The following RIMBP2 variants were observed in gnomAD, a reference collection of about 807,000 sequenced individuals.
RIMBP2 encodes the protein RIMS binding protein 2.
RIMBP2 carries 48 observed loss-of-function variants against 118.6 expected under a neutral mutation model. The observed-to-expected ratio is 0.40, with a 90% CI of 0.32 to 0.51. The LOEUF (loss-of-function observed/expected upper bound fraction) is 0.51. Among genes scored for constraint, RIMBP2 ranks in the 20% least tolerant of loss-of-function variants. RIMBP2 has a pLI of 0.41. For missense variants in RIMBP2, 1,551 were observed against 1,768.3 expected (o/e 0.88, Z 2.20); for synonymous variants, 762 against 742.9 (o/e 1.03, Z -0.42).
intron 4 of RIMBP2, 142 bp from the exon 5 acceptor site, chr12:130,479,158 G>A (rs531330360): frequency 2.1e-5 from 12 of 562,482 alleles, no homozygotes; most frequent in Middle Eastern, 3.8e-4. Flanking sequence ...ACCCACCTCC[G>A]TGCTGCCAAC....
intron 14 of RIMBP2, chr12:130,430,591 G>A (rs1161639361): frequency 2.0e-5 from 3 of 150,546 alleles, no homozygotes; most frequent in African/African-American, 7.4e-5. Context: ...CATGGGCAAT[G>A]ACGGATGTAC....
chr12:130,673,019 A>G (rs12308700), intron 1 of RIMBP2, among the ~76,000 whole-genome samples: 87,904 of 151,298 alleles, frequency 0.58, 25,728 homozygotes, highest in East Asian at 0.72. Flanking sequence ...AGGAAGACCC[A>G]GAGAAAGAAC....
In RIMBP2 at chr12:130,683,556, T is replaced by C. The variant is rs965459099; in HGVS notation, c.-352+32666A>G. Among the ~76,000 whole-genome samples, 31 of 152,324 alleles carry C rather than the reference T, an allele frequency of 2.0e-4. No homozygotes were observed. The highest frequency in any genetic ancestry group is 7.2e-4 in the African/African-American group (30 of 41,574). On this transcript the variant is annotated intron_variant, in intron 1 of 22. Transcript: ENST00000690449. The surrounding 1 kb of genome is among the most constrained non-coding windows in gnomAD (Gnocchi z 4.4). ...AGACCTACTGGGCTGCATTCCCAGA[T>C]GGTGAAGGCATTCTAAGTCACTGGA... is the stretch of plus-strand genomic sequence containing the variant.
intron 2 of RIMBP2, among the ~76,000 whole-genome samples, chr12:130,627,564 A>G (rs182365386): frequency 4.9e-4 from 75 of 152,272 alleles, no homozygotes; most frequent in African/African-American, 1.8e-3. Context: ...GGGTAACTCA[A>G]ACTCAAAACT....
At chr12:130,639,222 C>G (rs71468442) in intron 1 of RIMBP2, among the ~76,000 whole-genome samples, 2 of 151,710 alleles carry the variant, frequency 1.3e-5, no homozygotes, top group East Asian at 3.9e-4. Flanking sequence ...ACCCCCATCT[C>G]TACTAAAAAT....
rs1052860761 is a variant in RIMBP2 at position 130,670,259 on chromosome 12, C to A, written c.-351-41803G>T. ...ATGATCCCGGCCCCAGGACCTCAGA[C>A]TTCCGATCTCCAGAACTGAAGTTTT... is the stretch of plus-strand genomic sequence containing the variant. On this transcript the variant is annotated intron_variant, in intron 1 of 22. Coordinates refer to ENST00000690449, the MANE Select transcript of RIMBP2 (RefSeq NM_001393629.1). This position sits in a 1 kb window ranked among gnomAD's most constrained non-coding sequence, Gnocchi z 4.9. 6.6e-6 allele frequency among the ~76,000 whole-genome samples: 1 copy of A among 152,168 alleles called. No individual in the cohort carries two copies. Among genetic ancestry groups the A allele is most frequent in the Non-Finnish European group, 1.5e-5 (1 of 68,038 alleles).
At chr12:130,466,923 C>T (rs2080531068) in intron 6 of RIMBP2, among the ~76,000 whole-genome samples, 1 of 152,242 alleles carries the variant, frequency 6.6e-6, no homozygotes, top group African/African-American at 2.4e-5. Flanking sequence ...CTCCCTCTCA[C>T]ATGGAAATTG....
At chr12:130,555,767 G>C (rs2056287888) in intron 2 of RIMBP2, among the ~76,000 whole-genome samples, 1 of 152,226 alleles carries the variant, frequency 6.6e-6, no homozygotes, top group South Asian at 2.1e-4. Context: ...GAAACTGCTA[G>C]TGCAAAAGCC....
intron 2 of RIMBP2, among the ~76,000 whole-genome samples, chr12:130,591,853 AG>A (rs1340711661): frequency 2.0e-5 from 3 of 152,222 alleles, no homozygotes; most frequent in African/African-American, 7.2e-5. Flanking sequence ...AACCCCAGAT[AG>A]AGACACTAAA....
In RIMBP2 at chr12:130,497,048, T is replaced by A. The variant is rs568184425; in HGVS notation, c.-4+9600A>T. Among the ~76,000 whole-genome samples the A allele has an allele frequency of 3.3e-5, 5 of 152,212 alleles. No homozygotes were observed. The East Asian group carries it at 9.7e-4, about 30-fold the overall frequency. ...CCCATCTTGCCAGGCTCCTGGGCGC[T>A]CCATGGCTCTGATCTCTGCCTCCAT... On this transcript the variant is annotated intron_variant, in intron 4 of 22. Transcript: ENST00000690449.
chr12:130,448,214 G>A (rs2078700011), intron 9 of RIMBP2, among the ~76,000 whole-genome samples: 1 of 152,174 alleles, frequency 6.6e-6, no homozygotes, highest in Admixed American at 6.5e-5. Flanking sequence ...TGTGACTGGT[G>A]ATGGCCACGG....
chr12:130,568,522 C>T (rs1268048433), intron 2 of RIMBP2, among the ~76,000 whole-genome samples: 1 of 152,202 alleles, frequency 6.6e-6, no homozygotes, highest in South Asian at 2.1e-4. Flanking sequence ...CTTCTAATTT[C>T]GGGTTGACAA....
rs74442569 is a variant in RIMBP2 at position 130,543,052 on chromosome 12, G to A, written c.-216-25135C>T. 4.6e-4 allele frequency among the ~76,000 whole-genome samples: 70 copies of A among 152,276 alleles called. No homozygotes were observed. The East Asian group carries it at 0.014, about 29-fold the overall frequency. On this transcript the variant is annotated intron_variant, in intron 2 of 22. Transcript: ENST00000690449. ...TTCCCGTCTCTCAGGGTTGGATGATGAACTGAGAAGGTATGTGCTTGTAGT... is the reference window on the plus strand; with the variant it reads ...TTCCCGTCTCTCAGGGTTGGATGATAAACTGAGAAGGTATGTGCTTGTAGT...
At position 130,470,731 on chromosome 12, in the gene RIMBP2, C is replaced by A. The variant is rs2080932161; in HGVS notation, c.115G>T (p.Ala39Ser). The A allele has an allele frequency of 8.1e-7, 1 of 1,231,936 alleles. No individual in the cohort carries two copies. The highest frequency in any genetic ancestry group is 1.0e-6 in the Non-Finnish European group (1 of 987,880). 76.3% of individuals were successfully genotyped at this position (1,231,936 alleles called of 1,614,324 possible). Residue 39 changes from alanine (A) to serine (S), a missense_variant, in exon 6 of 23, where the codon GCT becomes TCT. Ala to Ser is a moderately conservative substitution (Grantham distance 99). Transcript: ENST00000690449. The stretch of plus-strand genomic sequence containing the variant: ...ACTGCGCCTTCATGCTCCTTCTTAG[C>A]CTCAACCTGAGCCTTTTTTATGATG... The part of the protein sequence containing the change: ...IDLLQKAQVE[A>S]KKEHEGAVRL...
At chr12:130,631,187 G>A (rs535527330) in intron 1 of RIMBP2, among the ~76,000 whole-genome samples, 1 of 152,264 alleles carries the variant, frequency 6.6e-6, no homozygotes, top group South Asian at 2.1e-4. Flanking sequence ...TATGTGGATT[G>A]CAAATGGCAC....
chr12:130,513,505 A>C (rs73155107), intron 3 of RIMBP2, among the ~76,000 whole-genome samples: 1 of 89,090 alleles, frequency 1.1e-5, no homozygotes, highest in Admixed American at 1.3e-4. Context: ...ACAGTGGCCC[A>C]GTGCGGGGAG....
intron 1 of RIMBP2, among the ~76,000 whole-genome samples, chr12:130,636,790 T>C (rs1566412472): frequency 6.6e-6 from 1 of 152,196 alleles, no homozygotes; most frequent in Non-Finnish European, 1.5e-5. Flanking sequence ...ACAGCATTAC[T>C]GCAGCCCCTG....
At chr12:130,641,159 T>C (rs918534302) in intron 1 of RIMBP2, among the ~76,000 whole-genome samples, 1 of 152,168 alleles carries the variant, frequency 6.6e-6, no homozygotes, top group East Asian at 1.9e-4. Context: ...GCAGTCATAA[T>C]TACGAGATCA....
At chr12:130,545,770 C>T (rs1340390235) in intron 2 of RIMBP2, among the ~76,000 whole-genome samples, 3 of 152,210 alleles carry the variant, frequency 2.0e-5, no homozygotes, top group Non-Finnish European at 2.9e-5. Flanking sequence ...TCTCCATCTC[C>T]GCCAGCCATC....
Sources: allele counts gnomAD v4.1 joint callset (sites outside exome capture counted in the v4.1 genomes callset), GRCh38; gene constraint gnomAD v4.1.1; non-coding constraint Gnocchi (gnomAD v3.1); transcripts MANE v1.5; gene names NCBI Gene and HGNC (gene_info 2026-07-23, HGNC 2026-07-21).